Variants in ZNF581 observed in about 807,000 individuals in gnomAD.
ZNF581 encodes the protein zinc finger protein 581.
ZNF581 carries 1 observed loss-of-function variant against 1.2 expected under a neutral mutation model. The observed-to-expected ratio is 0.83, with a 90% confidence interval of 0.30 to 3.95. The LOEUF is 3.95. Among genes scored for constraint, ZNF581 ranks in the 30% most tolerant of loss-of-function variants. The pLI is 0.18. For missense variants in ZNF581, 273 were observed against 274.6 expected (o/e 0.99, Z 0.04); for synonymous variants, 105 against 109.2 (o/e 0.96, Z 0.24).
chr19:55,638,406 T>G (rs1328921532), upstream of ZNF581, among the ~76,000 whole-genome samples: 1 of 152,028 alleles, frequency 6.6e-6, no homozygotes, highest in African/African-American at 2.4e-5. Flanking sequence ...GCCCAGCTAA[T>G]TTTTGTGTTT....
At position 55,644,711 on chromosome 19, in the gene ZNF581, C is replaced by T. The variant is rs1982747889; in HGVS notation, c.140C>T (p.Pro47Leu). The T allele has an allele frequency of 3.1e-6, 5 of 1,613,846 alleles. No homozygotes were observed. The highest frequency in any genetic ancestry group is 1.6e-4 in the Middle Eastern group (1 of 6,084). Residue 47 changes from proline to leucine, a missense_variant, in exon 2 of 2, where the codon CCT becomes CTT. By Grantham distance (98) the Pro-to-Leu change is moderately conservative (BLOSUM62 -3). Transcript: ENST00000270451. The surrounding 1 kb of genome is among the most constrained non-coding windows in gnomAD (Gnocchi z 4.3). ...SSIGSPQASS[P>L]PRPNHYLLID... ...ATCGGATCTCCCCAGGCTTCATCTC[C>T]TCCAAGGCCCAACCACTACCTGCTT...
upstream of ZNF581, among the ~76,000 whole-genome samples, chr19:55,637,478 A>G (rs2123617155): frequency 6.6e-6 from 1 of 151,762 alleles, no homozygotes; most frequent in Admixed American, 6.6e-5. Context: ...TGGAGGCTGC[A>G]GTGAGCTGAG....
At position 55,645,018 on chromosome 19, in the gene ZNF581, C is replaced by T. The variant is rs772671289; in HGVS notation, c.447C>T (p.Leu149=). ...AGGGRPHGCP[L]CPRRFRDAGE... is the part of the protein sequence containing the mutation. ...GTGGGCGGCCCCACGGCTGCCCGCT[C>T]TGCCCTCGCCGCTTCCGGGATGCGG... is the stretch of plus-strand genomic sequence containing the variant. The change falls in exon 2 of 2, where the codon CTC becomes CTT. Residue 149 remains leucine, a synonymous_variant. Transcript: ENST00000270451. The T allele has an allele frequency of 1.3e-6, 2 of 1,593,434 alleles. No individual in the cohort carries two copies. The highest frequency in any genetic ancestry group is 1.7e-6 in the Non-Finnish European group (2 of 1,164,666).
In ZNF581 at chr19:55,645,072, C is replaced by T. The variant is rs1982772534; in HGVS notation, c.501C>T (p.His167=). Residue 167 remains histidine (H), a synonymous_variant, in exon 2 of 2, where the codon CAC becomes CAT. Transcript: ENST00000270451. ...AGELAQHSRV[H]SGERPFQCPH... Reference sequence around the variant, plus strand: ...AGCTGGCCCAGCACAGCCGGGTGCACTCTGGGGAACGCCCGTTTCAGTGTC... The same window carrying T: ...AGCTGGCCCAGCACAGCCGGGTGCATTCTGGGGAACGCCCGTTTCAGTGTC... 6.4e-7 allele frequency: 1 copy of T among 1,561,476 alleles called. No homozygotes were observed. Among genetic ancestry groups the T allele is most frequent in the East Asian group, 2.3e-5 (1 of 44,192 alleles).
upstream of ZNF581, chr19:55,640,865 C>T: frequency 9.1e-6 from 9 of 985,474 alleles, no homozygotes; most frequent in Non-Finnish European, 8.4e-6. Context: ...GGGAGCGGGG[C>T]CGCCGGGGGC....
At position 55,644,929 on chromosome 19, in the gene ZNF581, T is replaced by C. The variant is rs1233453784; in HGVS notation, c.358T>C (p.Cys120Arg). ...GGTAAAGCCCTTCGAGTGTGACATCTGTGGGAAGGCATTCAAGCGCGCCAG... is the reference window on the plus strand; with the variant it reads ...GGTAAAGCCCTTCGAGTGTGACATCCGTGGGAAGGCATTCAAGCGCGCCAG... ...SEVKPFECDI[C>R]GKAFKRASHL... Residue 120 changes from cysteine to arginine, a missense_variant, in exon 2 of 2, where the codon TGT becomes CGT. By Grantham distance (180) the Cys-to-Arg change is radical (BLOSUM62 -3). Transcript: ENST00000270451. The surrounding 1 kb of genome is among the most constrained non-coding windows in gnomAD (Gnocchi z 4.3). 1 of 1,613,670 alleles carries C rather than the reference T, an allele frequency of 6.2e-7. No homozygotes were observed. The highest frequency in any genetic ancestry group is 1.1e-5 in the South Asian group (1 of 91,090).
Position 55,645,190 on chromosome 19 carries a change from AC to A in ZNF581, c.*27del. ...AGCCGGGCTGCCGGGTGCCCCAGGT[AC>A]CACAGGACTTTGCAGGGAGCCTGGA... On this transcript the variant is annotated 3_prime_UTR_variant, in exon 2 of 2. Transcript: ENST00000270451. 1 of 1,507,430 alleles carries A rather than the reference AC, an allele frequency of 6.6e-7. No individual in the cohort carries two copies. Among genetic ancestry groups the A allele is most frequent in the Non-Finnish European group, 8.9e-7 (1 of 1,125,732 alleles). 93.4% of individuals were successfully genotyped at this position (1,507,430 alleles called of 1,614,324 possible).
upstream of ZNF581, chr19:55,641,155 C>T (rs546731568): frequency 1.2e-4 from 123 of 985,412 alleles, no homozygotes; most frequent in East Asian, 0.011. Context: ...TCGGCCCGTT[C>T]CTCCGGACCC....
chr19:55,639,960 C>CA (rs555916811), upstream of ZNF581, among the ~76,000 whole-genome samples: 270 of 152,310 alleles, frequency 1.8e-3, 2 homozygotes, highest in Non-Finnish European at 3.0e-3. Context: ...TCTGATACAC[C>CA]AGCCACATTT....
At chr19:55,642,830 C>T, upstream of ZNF581, 1 of 1,575,876 alleles carries the variant, frequency 6.3e-7, no homozygotes. Flanking sequence ...TCTGCGGCTG[C>T]AGAGCCACCG....
chr19:55,643,371 G>C, upstream of ZNF581: 1 of 298,550 alleles, frequency 3.3e-6, no homozygotes. Flanking sequence ...CTGCGGGGAA[G>C]AGATGATAAA....
Position 55,645,226 on chromosome 19 carries a change from A to C in ZNF581, c.*61A>C. ...TTGCAGGGAGCCTGGACTCCTGTCCAGACACCTGGTGAGAGCCTGAGGCTG... is the reference window on the plus strand; with the variant it reads ...TTGCAGGGAGCCTGGACTCCTGTCCCGACACCTGGTGAGAGCCTGAGGCTG... On this transcript the variant is annotated 3_prime_UTR_variant, in exon 2 of 2. Coordinates refer to ENST00000270451, the MANE Select transcript of ZNF581 (RefSeq NM_016535.4). 1 of 1,424,758 alleles carries C rather than the reference A, an allele frequency of 7.0e-7. No individual in the cohort carries two copies. The highest frequency in any genetic ancestry group is 9.4e-7 in the Non-Finnish European group (1 of 1,059,928). The allele number at this position is 1,424,758 out of a possible 1,614,324, so 88.3% of individuals were successfully genotyped here.
chr19:55,644,917 G>A lies in ZNF581; in HGVS notation c.346G>A (p.Glu116Lys), dbSNP rs373903483. The change falls in exon 2 of 2, where the codon GAG (glutamate) becomes AAG (lysine). Residue 116 changes from glutamate to lysine, a missense_variant. By Grantham distance (56) the Glu-to-Lys change is moderately conservative (BLOSUM62 1). Coordinates refer to ENST00000270451, the MANE Select transcript of ZNF581 (RefSeq NM_016535.4). The surrounding 1 kb of genome is among the most constrained non-coding windows in gnomAD (Gnocchi z 4.3). ...SITHSEVKPF[E>K]CDICGKAFKR... ...CACCCACTCGGAGGTAAAGCCCTTCGAGTGTGACATCTGTGGGAAGGCATT... is the reference window on the plus strand; with the variant it reads ...CACCCACTCGGAGGTAAAGCCCTTCAAGTGTGACATCTGTGGGAAGGCATT... 89 of 1,613,704 alleles carry A rather than the reference G, an allele frequency of 5.5e-5. No individual in the cohort carries two copies. Among genetic ancestry groups the A allele is most frequent in the Non-Finnish European group, 7.1e-5 (84 of 1,179,816 alleles).
At chr19:55,638,471 G>A (rs144254186), upstream of ZNF581, among the ~76,000 whole-genome samples, 151 of 152,204 alleles carry the variant, frequency 9.9e-4, no homozygotes, top group African/African-American at 3.5e-3. Context: ...TCTTGACCTC[G>A]TAATCTGCCC....
At chr19:55,635,905 G>C (rs1441867790) in intron 1 of ZNF581, among the ~76,000 whole-genome samples, 1 of 152,190 alleles carries the variant, frequency 6.6e-6, no homozygotes, top group Non-Finnish European at 1.5e-5. Flanking sequence ...TAAGGAGAAG[G>C]CTGCCAGTAG....
upstream of ZNF581, among the ~76,000 whole-genome samples, chr19:55,639,129 A>G (rs1410618375): frequency 3.6e-4 from 55 of 152,098 alleles, 1 homozygote; most frequent in Non-Finnish European, 2.9e-5. Flanking sequence ...GTTCTCAGCT[A>G]GGAGCCATGT....
upstream of ZNF581, chr19:55,640,050 C>T: frequency 3.5e-6 from 3 of 855,034 alleles, no homozygotes; most frequent in Non-Finnish European, 4.2e-6. Context: ...GGACAGTGCT[C>T]TAGGATGTAG....
At chr19:55,636,592 G>C (rs1259276862), upstream of ZNF581, among the ~76,000 whole-genome samples, 2 of 152,146 alleles carry the variant, frequency 1.3e-5, no homozygotes, top group Non-Finnish European at 2.9e-5. Context: ...TAGATTCTGA[G>C]GGTAGAATGT....
At chr19:55,641,627 C>T (rs1022470699), upstream of ZNF581, 1 of 151,080 alleles carries the variant, frequency 6.6e-6, no homozygotes, top group African/African-American at 2.4e-5. Context: ...GTGTGCATAA[C>T]GGGGTTTGGG....
Sources: gnomAD v4.1 joint callset for allele counts (sites outside exome capture counted in the v4.1 genomes callset) on GRCh38, gnomAD v4.1.1 for gene constraint, Gnocchi (gnomAD v3.1) non-coding constraint, MANE v1.5 for transcripts, NCBI Gene and HGNC (gene_info 2026-07-23, HGNC 2026-07-21) for gene names.